The following RARB variants were observed in gnomAD, a reference collection of about 807,000 sequenced individuals.
RARB encodes HBV-activated protein.
Under a neutral mutation model 51.9 loss-of-function variants are expected in RARB, and 17 were observed. The observed-to-expected ratio is 0.33, with a 90% CI of 0.22 to 0.49. The LOEUF (loss-of-function observed/expected upper bound fraction) is 0.49. Among genes scored for constraint, RARB ranks in the 20% least tolerant of loss-of-function variants. RARB has a pLI of 0.99. For missense variants in RARB, 369 were observed against 550.8 expected, an observed-to-expected ratio of 0.67 and a Z score of 3.30; for synonymous variants, 215 against 195.4, an observed-to-expected ratio of 1.10 and a Z score of -0.84.
At chr3:25,519,661 G>A (rs1010096164) in intron 3 of RARB, among the ~76,000 whole-genome samples, 6 of 151,974 alleles carry the variant, frequency 3.9e-5, no homozygotes, top group African/African-American at 1.5e-4. Flanking sequence ...TTATTGCCAC[G>A]TTTTTTAAGC....
At chr3:25,431,191 CAG>C (rs965123520) in intron 1 of RARB, among the ~76,000 whole-genome samples, 1 of 151,848 alleles carries the variant, frequency 6.6e-6, no homozygotes, top group African/African-American at 2.4e-5. Context: ...GCTTTTAACA[CAG>C]AGGAAACAGT....
intron 2 of RARB, among the ~76,000 whole-genome samples, chr3:24,902,644 A>G (rs529937080): frequency 1.3e-5 from 2 of 152,230 alleles, no homozygotes; most frequent in African/African-American, 4.8e-5. Flanking sequence ...GACATGTCAA[A>G]GAATGCTCTG....
At chr3:25,403,160 CAAA>C (rs532977113) in intron 5 of RARB, among the ~76,000 whole-genome samples, 23 of 86,366 alleles carry the variant, frequency 2.7e-4, no homozygotes, top group African/African-American at 7.3e-4. Context: ...GACTGCATCT[CAAA>C]AAAAAAAAAA....
intron 3 of RARB, among the ~76,000 whole-genome samples, chr3:25,508,464 T>C (rs1697720637): frequency 6.6e-6 from 1 of 152,214 alleles, no homozygotes; most frequent in South Asian, 2.1e-4. Context: ...CCTTTGCTTG[T>C]GCACAAATTA....
chr3:25,340,776 G>T (rs1367298544), intron 5 of RARB, among the ~76,000 whole-genome samples: 1 of 152,186 alleles, frequency 6.6e-6, no homozygotes, highest in Non-Finnish European at 1.5e-5. Context: ...AGGAATTTTA[G>T]GGAGGATCTC....
At chr3:25,289,096 G>T (rs758713090) in intron 5 of RARB, among the ~76,000 whole-genome samples, 25 of 152,216 alleles carry the variant, frequency 1.6e-4, no homozygotes, top group Non-Finnish European at 3.4e-4. Context: ...AGCCTTTTCA[G>T]CTGTTTCACG....
chr3:24,840,650 T>C (rs1423973445), intron 1 of RARB, among the ~76,000 whole-genome samples: 12 of 151,382 alleles, frequency 7.9e-5, no homozygotes, highest in Admixed American at 6.0e-4. Context: ...AAACAATGTA[T>C]GTAAATGTCT....
chr3:25,414,226 T>C (rs142262343), intron 5 of RARB, among the ~76,000 whole-genome samples: 2 of 152,366 alleles, frequency 1.3e-5, no homozygotes, highest in African/African-American at 4.8e-5. Context: ...ATGAGATTCA[T>C]TTATGCTGTG....
chr3:24,899,018 A>C (rs1326016594), intron 2 of RARB, among the ~76,000 whole-genome samples: 1 of 152,224 alleles, frequency 6.6e-6, no homozygotes, highest in East Asian at 1.9e-4. Context: ...AGGTTGTCAA[A>C]GTGTGGTCCG....
chr3:25,000,436 G>T (rs920913120), intron 2 of RARB, among the ~76,000 whole-genome samples: 18 of 152,112 alleles, frequency 1.2e-4, no homozygotes, highest in African/African-American at 4.1e-4. Flanking sequence ...TACTTACAGA[G>T]AGAAATCCTC....
intron 3 of RARB, among the ~76,000 whole-genome samples, chr3:25,073,578 A>G (rs1223828236): frequency 6.6e-6 from 1 of 152,248 alleles, no homozygotes; most frequent in Non-Finnish European, 1.5e-5. Context: ...AGTATGAAGC[A>G]TTTCTCAAAC....
At chr3:24,997,351 T>C (rs1457857794) in intron 2 of RARB, among the ~76,000 whole-genome samples, 1 of 152,150 alleles carries the variant, frequency 6.6e-6, no homozygotes, top group Non-Finnish European at 1.5e-5. Flanking sequence ...TGTGTGTCTT[T>C]ACAGGTGATG....
At chr3:25,253,105 T>G (rs922046143) in intron 5 of RARB, among the ~76,000 whole-genome samples, 4 of 152,196 alleles carry the variant, frequency 2.6e-5, no homozygotes, top group African/African-American at 9.6e-5. Context: ...GGTTTAATTA[T>G]CCCATTTGCC....
At chr3:25,282,596 C>T (rs1050663294) in intron 5 of RARB, among the ~76,000 whole-genome samples, 2 of 152,062 alleles carry the variant, frequency 1.3e-5, no homozygotes, top group African/African-American at 4.8e-5. Context: ...TAAATTAGTC[C>T]CTGGAATATA....
chr3:25,183,908 C>T (rs1379934471), intron 5 of RARB, among the ~76,000 whole-genome samples: 1 of 152,074 alleles, frequency 6.6e-6, no homozygotes. Context: ...GTCTTTATAT[C>T]TGTCCCCATT....
At chr3:25,122,097 A>G (rs1361524634) in intron 3 of RARB, among the ~76,000 whole-genome samples, 1 of 152,180 alleles carries the variant, frequency 6.6e-6, no homozygotes, top group Non-Finnish European at 1.5e-5. Flanking sequence ...AGAAACCCAC[A>G]ACGCAAATAA....
chr3:24,914,216 C>T (rs928753786), intron 2 of RARB, among the ~76,000 whole-genome samples: 4 of 152,198 alleles, frequency 2.6e-5, no homozygotes, highest in African/African-American at 9.7e-5. Flanking sequence ...TCCAGCACCC[C>T]TAGTGGTACA....
intron 1 of RARB, among the ~76,000 whole-genome samples, chr3:25,445,571 G>C (rs1036445840): frequency 2.6e-5 from 4 of 152,110 alleles, no homozygotes; most frequent in African/African-American, 9.7e-5. Flanking sequence ...AGAGGCTGAA[G>C]CAGGAGAATT....
intron 3 of RARB, among the ~76,000 whole-genome samples, chr3:25,530,268 G>C (rs1170307384): frequency 6.6e-6 from 1 of 152,252 alleles, no homozygotes; most frequent in Non-Finnish European, 1.5e-5. Flanking sequence ...AAATGGGTAA[G>C]AGGTGGAGAG....
Sources: gnomAD v4.1 joint callset for allele counts (sites outside exome capture counted in the v4.1 genomes callset) on GRCh38, gnomAD v4.1.1 for gene constraint, MANE v1.5 for transcripts, NCBI Gene and HGNC (gene_info 2026-07-23, HGNC 2026-07-21) for gene names.